ZC3H12B: variants seen among roughly 807,000 people sequenced by gnomAD.
ZC3H12B encodes zinc finger CCCH-type containing 12B, also known as probable ribonuclease ZC3H12B.
A neutral mutation model predicts 43.9 loss-of-function variants in ZC3H12B; 7 were observed. The observed-to-expected ratio is 0.16, with a 90% CI of 0.09 to 0.30. The LOEUF is 0.30. Among genes scored for constraint, ZC3H12B ranks in the 10% least tolerant of loss-of-function variants. The probability of loss-of-function intolerance (pLI) is 1.00; values close to 1 mark genes in which losing one functional copy is unlikely to be tolerated. For missense variants in ZC3H12B, 475 were observed against 670.2 expected, an observed-to-expected ratio of 0.71 and a Z score of 3.22; for synonymous variants, 222 against 241.7, an observed-to-expected ratio of 0.92 and a Z score of 0.76.
At chrX:65,395,866 C>T (rs2066689969) in intron 2 of ZC3H12B, among the ~76,000 whole-genome samples, 1 of 111,737 alleles carries the variant, frequency 8.9e-6, no homozygotes, top group African/African-American at 3.3e-5. Flanking sequence ...AATTTTAGAA[C>T]TTGTTATTGG....
the ZC3H12B span, among the ~76,000 whole-genome samples, chrX:65,118,621 G>A: frequency 9.0e-6 from 1 of 110,974 alleles, no homozygotes; most frequent in Non-Finnish European, 1.9e-5. Context: ...TGGTGAGAGA[G>A]GACATACCTG....
the ZC3H12B span, among the ~76,000 whole-genome samples, chrX:65,036,555 G>A: frequency 9.0e-6 from 1 of 111,250 alleles, no homozygotes; most frequent in Non-Finnish European, 1.9e-5. Context: ...TTTGCTTTGG[G>A]AGCTTTCATG....
the ZC3H12B span, among the ~76,000 whole-genome samples, chrX:65,228,817 A>G: frequency 5.4e-5 from 6 of 111,904 alleles, no homozygotes; most frequent in Non-Finnish European, 1.1e-4. Flanking sequence ...CTAGGAATCC[A>G]ACTTACAACA....
chrX:65,414,159 G>A (rs1222402853), intron 3 of ZC3H12B, among the ~76,000 whole-genome samples: 1 of 111,671 alleles, frequency 9.0e-6, no homozygotes, highest in African/African-American at 3.2e-5. Context: ...ATAGAAATAA[G>A]GAATATTGTT....
At chrX:65,259,202 G>T in the ZC3H12B span, among the ~76,000 whole-genome samples, 2 of 111,652 alleles carry the variant, frequency 1.8e-5, no homozygotes, top group Non-Finnish European at 3.8e-5. Flanking sequence ...CATAGTACTG[G>T]TACAAAAACA....
the ZC3H12B span, among the ~76,000 whole-genome samples, chrX:65,163,488 C>T: frequency 1.8e-5 from 2 of 111,428 alleles, no homozygotes; most frequent in Admixed American, 9.6e-5. Flanking sequence ...GCACCCCTCC[C>T]CCAGCCTCGC....
At chrX:65,170,305 C>A in the ZC3H12B span, among the ~76,000 whole-genome samples, 2 of 111,468 alleles carry the variant, frequency 1.8e-5, no homozygotes, top group African/African-American at 6.5e-5. Context: ...CTTAATTTGG[C>A]TGGATATGAA....
At chrX:65,393,628 T>C (rs2066656811) in intron 2 of ZC3H12B, among the ~76,000 whole-genome samples, 1 of 112,304 alleles carries the variant, frequency 8.9e-6, no homozygotes, top group Non-Finnish European at 1.9e-5. Context: ...TAATATTTCA[T>C]GGTGTATAAG....
At chrX:65,230,611 CAAA>C in the ZC3H12B span, among the ~76,000 whole-genome samples, 2 of 49,324 alleles carry the variant, frequency 4.1e-5, no homozygotes. Flanking sequence ...CCCCCAGCGC[CAAA>C]AAAAAAAAAA....
chrX:65,183,254 G>A, the ZC3H12B span, among the ~76,000 whole-genome samples: 2 of 112,076 alleles, frequency 1.8e-5, no homozygotes, highest in African/African-American at 6.5e-5. Flanking sequence ...ATGAGATCAT[G>A]TATTTTTCAT....
At chrX:65,261,220 A>T in the ZC3H12B span, among the ~76,000 whole-genome samples, 2 of 111,919 alleles carry the variant, frequency 1.8e-5, no homozygotes, top group Admixed American at 1.9e-4. Context: ...AGCTTTCATT[A>T]TAAAAGAGAA....
At chrX:65,331,203 G>C in the ZC3H12B span, 1 of 146,222 alleles carries the variant, frequency 6.8e-6, no homozygotes, top group Non-Finnish European at 1.4e-5. Context: ...CCCTCCTGGA[G>C]TTTAGGCTTT....
the ZC3H12B span, among the ~76,000 whole-genome samples, chrX:65,068,167 G>A: frequency 3.9e-5 from 3 of 77,851 alleles, no homozygotes; most frequent in Non-Finnish European, 7.5e-5. Context: ...AGTGTGTCTT[G>A]CTTTTTTCTT....
At chrX:65,316,154 G>T in the ZC3H12B span, among the ~76,000 whole-genome samples, 8 of 111,685 alleles carry the variant, frequency 7.2e-5, no homozygotes, top group African/African-American at 2.6e-4. Flanking sequence ...GAATGGACAA[G>T]ACCTCCAAAA....
chrX:65,258,944 C>T, the ZC3H12B span, among the ~76,000 whole-genome samples: 30 of 111,733 alleles, frequency 2.7e-4, no homozygotes, highest in African/African-American at 9.4e-4. Flanking sequence ...AGAAGCATTC[C>T]GTGCTCATGG....
chrX:65,190,672 T>G, the ZC3H12B span, among the ~76,000 whole-genome samples: 3 of 110,306 alleles, frequency 2.7e-5, no homozygotes, highest in African/African-American at 1.0e-4. Flanking sequence ...TTGCTGAAGT[T>G]GCTTATCATC....
chrX:65,281,702 G>C, the ZC3H12B span, among the ~76,000 whole-genome samples: 1 of 112,488 alleles, frequency 8.9e-6, no homozygotes, highest in Non-Finnish European at 1.9e-5. Flanking sequence ...AAATGTCATA[G>C]CTGAAATGTA....
the ZC3H12B span, among the ~76,000 whole-genome samples, chrX:65,282,595 AAG>A: frequency 3.6e-5 from 4 of 111,939 alleles, no homozygotes; most frequent in East Asian, 1.1e-3. Flanking sequence ...TAAAGAAAAA[AAG>A]AGAGAAGAAT....
chrX:65,266,659 G>A, the ZC3H12B span, among the ~76,000 whole-genome samples: 5 of 111,649 alleles, frequency 4.5e-5, no homozygotes, highest in South Asian at 3.7e-4. Context: ...GAGGGCAAAA[G>A]CTTATGTTCC....
Sources: gnomAD v4.1 joint callset for allele counts (sites outside exome capture counted in the v4.1 genomes callset) on GRCh38, gnomAD v4.1.1 for gene constraint, MANE v1.5 for transcripts, NCBI Gene and HGNC (gene_info 2026-07-23, HGNC 2026-07-21) for gene names.